ROBO2: variants seen among roughly 807,000 people sequenced by gnomAD.
ROBO2 encodes roundabout guidance receptor 2.
ROBO2 carries 53 observed loss-of-function variants against 160.8 expected under a neutral mutation model. The observed-to-expected ratio is 0.33, with a 90% confidence interval of 0.26 to 0.41. The LOEUF is 0.41. Among genes scored for constraint, ROBO2 ranks in the 10% least tolerant of loss-of-function variants. ROBO2 has a pLI of 1.00. For synonymous variants in ROBO2, 664 were observed against 611.7 expected (o/e 1.09, Z -1.26); for missense variants, 1,577 against 1,722.4 (o/e 0.92, Z 1.49).
intron 5 of ROBO2, among the ~76,000 whole-genome samples, chr3:77,495,058 TTTACACTA>T (rs1560994484): frequency 6.6e-6 from 1 of 152,078 alleles, no homozygotes; most frequent in Non-Finnish European, 1.5e-5. Context: ...ACAAGGAGAG[TTTACACTA>T]TTGAATTGTT....
chr3:77,477,830 C>CTTTTTT (rs11371687), intron 3 of ROBO2, among the ~76,000 whole-genome samples: 17 of 84,456 alleles, frequency 2.0e-4, no homozygotes, highest in African/African-American at 2.4e-4. Flanking sequence ...TATTTTAGCT[C>CTTTTTT]TTTTTTTTTT....
rs142396853 is a variant in ROBO2 at position 75,990,244 on chromosome 3, T to A, written c.109+52642T>A. On this transcript the variant is annotated intron_variant, in intron 2 of 26. Coordinates refer to the ROBO2 transcript ENST00000487694. ...ATAAAGTATGTTTTTAATACTTTGG[T>A]TTATCCCTTGATCACATAATTTCCT... Among the ~76,000 whole-genome samples the A allele has an allele frequency of 2.2e-3, 329 of 152,322 alleles. 1 individual carries two copies. Among genetic ancestry groups the A allele is most frequent in the African/African-American group, 7.5e-3 (313 of 41,584 alleles).
intron 2 of ROBO2, among the ~76,000 whole-genome samples, chr3:76,490,379 A>G (rs1354134067): frequency 2.0e-5 from 3 of 152,212 alleles, no homozygotes; most frequent in Non-Finnish European, 2.9e-5. Flanking sequence ...TTTTGGGTCA[A>G]TGGAACCCCA....
intron 2 of ROBO2, among the ~76,000 whole-genome samples, chr3:76,531,627 T>C (rs1404676861): frequency 6.7e-6 from 1 of 150,322 alleles, no homozygotes; most frequent in Non-Finnish European, 1.5e-5. Context: ...TTTCTTTTTT[T>C]TTTTTTTTTT....
chr3:75,941,724 A>G (rs997155220), intron 2 of ROBO2, among the ~76,000 whole-genome samples: 2 of 152,118 alleles, frequency 1.3e-5, no homozygotes, highest in African/African-American at 4.8e-5. Context: ...GGCAATTCCA[A>G]TTTTCAGTTT....
At chr3:77,599,574 C>T (rs958456114) in intron 19 of ROBO2, among the ~76,000 whole-genome samples, 1 of 151,364 alleles carries the variant, frequency 6.6e-6, no homozygotes, top group African/African-American at 2.4e-5. Context: ...GTGCAGCACA[C>T]CAACATGGCA....
chr3:77,087,839 C>T (rs2069549309), intron 1 of ROBO2, among the ~76,000 whole-genome samples: 1 of 151,838 alleles, frequency 6.6e-6, no homozygotes, highest in Non-Finnish European at 1.5e-5. Flanking sequence ...TACACACACA[C>T]ATATATATAG....
Position 76,797,118 on chromosome 3 carries a change from C to T in ROBO2, c.110-300896C>T, listed in dbSNP as rs147858903. Among the ~76,000 whole-genome samples the T allele has an allele frequency of 1.4e-3, 216 of 152,224 alleles. 1 individual carries two copies. Among genetic ancestry groups the T allele is most frequent in the African/African-American group, 5.1e-3 (211 of 41,558 alleles). On this transcript the variant is annotated intron_variant, in intron 2 of 26. Coordinates refer to the ROBO2 transcript ENST00000487694. ...ATGGACCTAACAGATATGTACGGAA[C>T]ATTTCATCCAATGGCTGCAGAATAC... is the stretch of plus-strand genomic sequence containing the variant.
intron 2 of ROBO2, among the ~76,000 whole-genome samples, chr3:77,357,114 C>T (rs1581304064): frequency 6.6e-6 from 1 of 152,064 alleles, no homozygotes; most frequent in African/African-American, 2.4e-5. Context: ...AAGGGCCTTT[C>T]GTGTATTTTA....
chr3:76,388,594 C>G (rs1157618993), intron 2 of ROBO2, among the ~76,000 whole-genome samples: 1 of 152,170 alleles, frequency 6.6e-6, no homozygotes, highest in Non-Finnish European at 1.5e-5. Flanking sequence ...TCTGTCCCTA[C>G]AGCCAAATTT....
rs79386435 is a variant in ROBO2, at chr3:76,129,547, G to A, written c.109+191945G>A. On this transcript the variant is annotated intron_variant, in intron 2 of 26. Transcript: ENST00000487694. ...TTCCCATATGTAACTCTACACTTAG[G>A]ACTAAACTAAGTTTAGAAAAGAGAG... Among the ~76,000 whole-genome samples the A allele has an allele frequency of 1.5e-3, 222 of 152,052 alleles. No individual in the cohort carries two copies. The Middle Eastern group carries it at 0.017, about 12-fold the overall frequency.
intron 2 of ROBO2, among the ~76,000 whole-genome samples, chr3:75,977,277 A>G (rs2065158022): frequency 6.6e-6 from 1 of 151,548 alleles, no homozygotes; most frequent in African/African-American, 2.4e-5. Context: ...AGCAAGGTCC[A>G]AACATACACC....
At chr3:77,358,082 A>G (rs1028206747) in intron 2 of ROBO2, among the ~76,000 whole-genome samples, 2 of 152,222 alleles carry the variant, frequency 1.3e-5, no homozygotes, top group African/African-American at 4.8e-5. Context: ...ACCAAATGCT[A>G]CAACCTGGGT....
At chr3:76,372,350 C>T (rs1185742483) in intron 2 of ROBO2, among the ~76,000 whole-genome samples, 1 of 151,814 alleles carries the variant, frequency 6.6e-6, no homozygotes, top group East Asian at 1.9e-4. Context: ...GGTTGAACAA[C>T]ATGTACCTAG....
Position 76,893,329 on chromosome 3 carries a change from C to T in ROBO2, c.110-204685C>T, listed in dbSNP as rs182720499. ...TCAAGTGAACACACACACACACACA[C>T]GCACTACACTGTAAGAAAAATGCAG... On this transcript the variant is annotated intron_variant, in intron 2 of 26. Coordinates refer to the ROBO2 transcript ENST00000487694. 9.8e-4 allele frequency among the ~76,000 whole-genome samples: 149 copies of T among 151,566 alleles called. No homozygotes were observed. In the Middle Eastern group the frequency reaches 0.017, roughly 17 times the overall value.
intron 2 of ROBO2, among the ~76,000 whole-genome samples, chr3:76,630,892 G>T (rs1029170679): frequency 3.3e-5 from 5 of 152,098 alleles, no homozygotes; most frequent in African/African-American, 1.2e-4. Context: ...CTTTGTACAA[G>T]AGGTGCAAAG....
At chr3:76,299,462 A>G (rs1289259917) in intron 2 of ROBO2, among the ~76,000 whole-genome samples, 1 of 152,296 alleles carries the variant, frequency 6.6e-6, no homozygotes, top group Admixed American at 6.5e-5. Flanking sequence ...CACAGAGAAA[A>G]TAAAGGGGAG....
At chr3:76,528,109 A>G (rs971444145) in intron 2 of ROBO2, among the ~76,000 whole-genome samples, 12 of 152,294 alleles carry the variant, frequency 7.9e-5, no homozygotes, top group Middle Eastern at 3.4e-3. Flanking sequence ...TAACTCATAC[A>G]ACAAATATTT....
intron 2 of ROBO2, among the ~76,000 whole-genome samples, chr3:76,496,456 T>C (rs75474499): frequency 0.015 from 2,228 of 152,336 alleles, 68 homozygotes; most frequent in African/African-American, 0.051. Context: ...ATTACCTTTA[T>C]ACATCCCTGG....
Sources: gnomAD v4.1 joint callset for allele counts (sites outside exome capture counted in the v4.1 genomes callset) on GRCh38, gnomAD v4.1.1 for gene constraint, MANE v1.5 for transcripts, NCBI Gene and HGNC (gene_info 2026-07-23, HGNC 2026-07-21) for gene names.